CD72: variants seen among roughly 807,000 people sequenced by gnomAD.
The protein encoded by CD72 is CD72 molecule, also known as B-cell differentiation antigen CD72.
Under a neutral mutation model 50.7 loss-of-function variants are expected in CD72, and 28 were observed. That is an observed-to-expected ratio of 0.55 (90% confidence interval 0.41 to 0.76). CD72 has a LOEUF of 0.76. CD72 is among the 30% of genes least tolerant of loss of function. The pLI is 0.00. For synonymous variants in CD72, 176 were observed against 171.2 expected, an observed-to-expected ratio of 1.03 and a Z score of -0.22; for missense variants, 403 against 420.6, an observed-to-expected ratio of 0.96 and a Z score of 0.37.
chr9:35,645,529 C>T (rs1430232570), intron 1 of CD72, among the ~76,000 whole-genome samples: 2 of 152,018 alleles, frequency 1.3e-5, no homozygotes, highest in Non-Finnish European at 2.9e-5. Flanking sequence ...TTGCAGTGAG[C>T]CGAGGTTGCA....
rs954435370 is a variant in CD72 at position 35,618,136 on chromosome 9, A to C, written c.83-15T>G. On this transcript the variant is annotated splice_polypyrimidine_tract_variant and intron_variant, in intron 1 of 8. Coordinates refer to ENST00000259633, the MANE Select transcript of CD72 (RefSeq NM_001782.3). ...AGCCCCTGGGTCTAGAGAGAAGAGA[A>C]AAGGGACCAAGGTGGGATTTGGGAA... 6.2e-7 allele frequency: 1 copy of C among 1,610,866 alleles called. No homozygotes were observed. The highest frequency in any genetic ancestry group is 8.5e-7 in the Non-Finnish European group (1 of 1,176,996).
chr9:35,631,288 T>G (rs1186541146), intron 1 of CD72, among the ~76,000 whole-genome samples: 1 of 152,194 alleles, frequency 6.6e-6, no homozygotes, highest in Non-Finnish European at 1.5e-5. Context: ...TTATAATTTC[T>G]TTTCAGATGA....
Position 35,610,739 on chromosome 9 carries a change from CT to C in CD72, c.964del (p.Ser322AlafsTer31), listed in dbSNP as rs755194895. 6.2e-7 allele frequency: 1 copy of C among 1,612,726 alleles called. No individual in the cohort carries two copies. Among genetic ancestry groups the C allele is most frequent in the Non-Finnish European group, 8.5e-7 (1 of 1,179,288 alleles). On this transcript the variant is annotated frameshift_variant, in exon 8 of 9. Transcript: ENST00000259633. LOFTEE classifies it high-confidence loss of function. Reference sequence around the variant, plus strand: ...TTTATGTACCTTGTTACATTTTGAGCTTTGAGCATAAGTCCTAAAAAGTAGT... The same window carrying C: ...TTTATGTACCTTGTTACATTTTGAGCTTGAGCATAAGTCCTAAAAAGTAGT... ...DTQRTRTYAQSSKCNKVHKTW... is the reference protein window; with the variant it reads ...DTQRTRTYAQXSKCNKVHKTW...
chr9:35,630,516 TTC>T (rs1376286036), intron 1 of CD72, among the ~76,000 whole-genome samples: 1 of 152,238 alleles, frequency 6.6e-6, no homozygotes, highest in African/African-American at 2.4e-5. Context: ...ATGGTTAATT[TTC>T]TGTTTATTCC....
intron 1 of CD72, among the ~76,000 whole-genome samples, chr9:35,631,847 C>T (rs866734998): frequency 6.6e-6 from 1 of 151,814 alleles, no homozygotes; most frequent in Admixed American, 6.6e-5. Context: ...CCGAGATCGC[C>T]GAGCCACTGC....
At position 35,618,270 on chromosome 9, in the gene CD72, A is replaced by G. The variant is rs1563896334; in HGVS notation, c.34T>C (p.Phe12Leu). Residue 12 changes from phenylalanine (F) to leucine (L), a missense_variant, in exon 1 of 9, where the codon TTT becomes CTT. By Grantham distance (22) the Phe-to-Leu change is conservative. Coordinates refer to ENST00000259633, the MANE Select transcript of CD72 (RefSeq NM_001782.3). The stretch of plus-strand genomic sequence containing the variant: ...CTCTTCTTCAGGGGAGCCTTCACAA[A>G]CCTCAGATCTGCATAGGTGATGGCC... ...AEAITYADLR[F>L]VKAPLKKSIS... 6.2e-7 allele frequency: 1 copy of G among 1,613,994 alleles called. No homozygotes were observed. Among genetic ancestry groups the G allele is most frequent in the Non-Finnish European group, 8.5e-7 (1 of 1,179,964 alleles).
intron 1 of CD72, among the ~76,000 whole-genome samples, chr9:35,644,914 A>C (rs1186174194): frequency 7.1e-6 from 1 of 139,876 alleles, no homozygotes; most frequent in African/African-American, 2.5e-5. Flanking sequence ...AAAAAAAAAA[A>C]AAAAAGGCCG....
chr9:35,611,430 C>T (rs1289356269), intron 7 of CD72, among the ~76,000 whole-genome samples: 3 of 152,072 alleles, frequency 2.0e-5, no homozygotes, highest in African/African-American at 7.3e-5. Flanking sequence ...CTCTAGTGCC[C>T]CAAGTGGCCG....
chr9:35,628,365 G>A (rs1010773828), intron 1 of CD72, among the ~76,000 whole-genome samples: 6 of 152,220 alleles, frequency 3.9e-5, no homozygotes, highest in East Asian at 1.9e-4. Flanking sequence ...GGCTGAGGCC[G>A]GTGGATTACA....
chr9:35,631,650 T>C (rs991366060), intron 1 of CD72, among the ~76,000 whole-genome samples: 1 of 152,256 alleles, frequency 6.6e-6, no homozygotes, highest in Non-Finnish European at 1.5e-5. Context: ...TCCCAACACT[T>C]TGGGAGGCCG....
At chr9:35,638,435 C>T (rs541076927) in intron 1 of CD72, among the ~76,000 whole-genome samples, 42 of 152,254 alleles carry the variant, frequency 2.8e-4, no homozygotes, top group Middle Eastern at 3.4e-3. Context: ...CCCAGTCTGG[C>T]TTACAGTTTT....
At chr9:35,639,865 G>A (rs1394938255) in intron 1 of CD72, among the ~76,000 whole-genome samples, 2 of 152,160 alleles carry the variant, frequency 1.3e-5, no homozygotes, top group Non-Finnish European at 2.9e-5. Flanking sequence ...AAATGGAAAT[G>A]TAACTCTGAG....
In CD72 at chr9:35,610,058, C is replaced by T. The variant is rs3750429; in HGVS notation, c.*265G>A. ...ATCCGCTCAGCCCGTGCGCCCTCCTCCCCCACCCCATTCTACCATGGGAAG... is the reference window on the plus strand; with the variant it reads ...ATCCGCTCAGCCCGTGCGCCCTCCTTCCCCACCCCATTCTACCATGGGAAG... On this transcript the variant is annotated 3_prime_UTR_variant, in exon 9 of 9. Transcript: ENST00000259633. 3.4e-4 allele frequency: 105 copies of T among 312,274 alleles called. No individual in the cohort carries two copies. The East Asian group carries it at 5.8e-3, about 17-fold the overall frequency. The allele number at this position is 312,274 out of a possible 1,614,324, so 19.3% of individuals were successfully genotyped here.
chr9:35,618,385 A>G lies in CD72; in HGVS notation c.-82T>C, dbSNP rs554763941. 8.2e-5 allele frequency: 130 copies of G among 1,592,814 alleles called. 1 individual carries two copies. Among genetic ancestry groups the G allele is most frequent in the African/African-American group, 5.1e-4 (38 of 74,666 alleles). On this transcript the variant is annotated 5_prime_UTR_variant, in exon 1 of 9. Transcript: ENST00000259633. ...CCCCTCTCGTCTCTGTCCGTTTACA[A>G]CTAGGCTCTGTGTTCCCTCTGTGAC...
At chr9:35,618,660 T>G (rs1262385654), upstream of CD72, 3 of 717,014 alleles carry the variant, frequency 4.2e-6, no homozygotes, top group Non-Finnish European at 6.2e-6. Flanking sequence ...GTCCTTCTGG[T>G]TATCTGCCCT....
upstream of CD72, among the ~76,000 whole-genome samples, chr9:35,622,905 G>A (rs1339425809): frequency 1.3e-5 from 2 of 152,082 alleles, no homozygotes; most frequent in South Asian, 2.1e-4. Flanking sequence ...CTAGGAATTC[G>A]AGACCAGACT....
chr9:35,635,097 C>A (rs1403016747), intron 1 of CD72, among the ~76,000 whole-genome samples: 1 of 152,160 alleles, frequency 6.6e-6, no homozygotes, highest in Non-Finnish European at 1.5e-5. Flanking sequence ...GGTCTTTTAA[C>A]TTTCAGGGTT....
At chr9:35,635,486 G>A (rs1823282393) in intron 1 of CD72, among the ~76,000 whole-genome samples, 1 of 152,136 alleles carries the variant, frequency 6.6e-6, no homozygotes, top group African/African-American at 2.4e-5. Flanking sequence ...TTTATCAATG[G>A]AAATTTTTAG....
In CD72 at chr9:35,610,310, T is replaced by TA. The variant is rs1170370878; in HGVS notation, c.*23-11dup. 1 of 234,634 alleles carries TA rather than the reference T, an allele frequency of 4.3e-6. No individual in the cohort carries two copies. Among genetic ancestry groups the TA allele is most frequent in the African/African-American group, 2.6e-5 (1 of 38,816 alleles). The allele number at this position is 234,634 out of a possible 1,614,324, so 14.5% of individuals were successfully genotyped here. ...TTGTTGGCATGAGTGTCTGGAAAAG[T>TA]AAAGTATCAGTGAGCTCCATGGTTG... On this transcript the variant is annotated splice_polypyrimidine_tract_variant and intron_variant, in intron 8 of 8. Transcript: ENST00000259633.
Sources: gnomAD v4.1 joint callset for allele counts (sites outside exome capture counted in the v4.1 genomes callset) on GRCh38, gnomAD v4.1.1 for gene constraint, MANE v1.5 for transcripts, NCBI Gene and HGNC (gene_info 2026-07-23, HGNC 2026-07-21) for gene names.